UGGT2: variants seen among roughly 807,000 people sequenced by gnomAD.
The protein encoded by UGGT2 is UDP-glucose glycoprotein glucosyltransferase 2, also known as UDP-glucose:glycoprotein glucosyltransferase 2.
UGGT2 carries 180 observed loss-of-function variants against 192.1 expected under a neutral mutation model. The ratio of observed to expected loss-of-function variants is 0.94; its 90% CI spans 0.83 to 1.06. The LOEUF is 1.06. Among genes scored for constraint, UGGT2 ranks in the 50% least tolerant of loss-of-function variants. UGGT2 has a pLI of 0.00. For missense variants in UGGT2, 1,849 were observed against 1,795.7 expected (o/e 1.03, Z -0.54); for synonymous variants, 580 against 591.0 (o/e 0.98, Z 0.27).
chr13:95,827,973 T>A (rs1390510606), intron 38 of UGGT2, among the ~76,000 whole-genome samples: 1 of 152,106 alleles, frequency 6.6e-6, no homozygotes, highest in Non-Finnish European at 1.5e-5. Context: ...TACCACGACT[T>A]CACCTTGCAC....
intron 20 of UGGT2, among the ~76,000 whole-genome samples, chr13:95,909,371 G>C (rs927721214): frequency 3.3e-5 from 5 of 151,770 alleles, no homozygotes; most frequent in African/African-American, 1.2e-4. Flanking sequence ...AACAATGATA[G>C]ACTGGATTAA....
intron 1 of UGGT2, among the ~76,000 whole-genome samples, chr13:96,043,930 T>G (rs1255548964): frequency 6.6e-6 from 1 of 152,166 alleles, no homozygotes; most frequent in African/African-American, 2.4e-5. Context: ...ACTTCAATAC[T>G]GCACTGATAG....
chr13:95,991,326 T>C (rs545866184), intron 7 of UGGT2: 17 of 329,966 alleles, frequency 5.2e-5, no homozygotes, highest in Non-Finnish European at 1.0e-4. Context: ...GTTGAACTCA[T>C]CTACACACAC....
chr13:95,911,680 C>T (rs560332403), intron 20 of UGGT2, among the ~76,000 whole-genome samples: 13 of 151,836 alleles, frequency 8.6e-5, no homozygotes, highest in East Asian at 1.9e-4. Context: ...GTACCATTCC[C>T]TCTGAAACTA....
At chr13:95,947,483 G>A (rs1244527553) in intron 14 of UGGT2, among the ~76,000 whole-genome samples, 4 of 145,020 alleles carry the variant, frequency 2.8e-5, no homozygotes, top group African/African-American at 1.0e-4. Flanking sequence ...CAAGAGTCTC[G>A]CTCTGTCACC....
chr13:95,918,176 G>GT (rs2048737044), intron 20 of UGGT2, among the ~76,000 whole-genome samples: 2 of 151,890 alleles, frequency 1.3e-5, no homozygotes, highest in African/African-American at 2.4e-5. Context: ...AAGTGAAATC[G>GT]TAACAGTCTT....
chr13:95,886,162 C>A (rs2047641687), intron 26 of UGGT2, among the ~76,000 whole-genome samples: 1 of 152,118 alleles, frequency 6.6e-6, no homozygotes, highest in Non-Finnish European at 1.5e-5. Context: ...CTCATTCCTT[C>A]CCTACAATAC....
intron 21 of UGGT2, 148 bp from the exon 22 acceptor site, chr13:95,901,086 TA>T (rs1295446960): frequency 4.9e-6 from 3 of 607,308 alleles, no homozygotes; most frequent in African/African-American, 1.9e-5. Flanking sequence ...AGAACATTTT[TA>T]AAAAAAGAAT....
chr13:95,848,578 AGATTGGGTGACTATATTTATG>A (rs1383068983), intron 36 of UGGT2, among the ~76,000 whole-genome samples: 3 of 152,152 alleles, frequency 2.0e-5, no homozygotes, highest in Non-Finnish European at 2.9e-5. Context: ...CCTCTGTCAA[AGATTGGGTGACTATATTTATG>A]TGGATTTATT....
intron 15 of UGGT2, among the ~76,000 whole-genome samples, chr13:95,945,807 T>C (rs1470501613): frequency 6.6e-6 from 1 of 152,158 alleles, no homozygotes; most frequent in Non-Finnish European, 1.5e-5. Flanking sequence ...TGGCACTATT[T>C]TATAGAGCAA....
intron 13 of UGGT2, 137 bp from the exon 14 acceptor site, chr13:95,948,218 TACACACACACACACACACAC>T: frequency 3.2e-6 from 1 of 315,972 alleles, no homozygotes; most frequent in East Asian, 6.8e-5. Flanking sequence ...TTCTAAGGAA[TACACACACACACACACACAC>T]ACACACACAC....
chr13:95,979,544 T>C (rs1160511780), intron 10 of UGGT2, among the ~76,000 whole-genome samples: 1 of 7,050 alleles, frequency 1.4e-4, no homozygotes, highest in East Asian at 0.011. Flanking sequence ...CCTGGTCTCT[T>C]ACGCAAAAAA....
At chr13:95,895,085 C>G in intron 23 of UGGT2, 95 bp downstream of exon 23, 1 of 1,265,372 alleles carries the variant, frequency 7.9e-7, no homozygotes, top group Non-Finnish European at 1.1e-6. Context: ...TATACCTTTA[C>G]TTGTCTATAT....
chr13:96,031,752 T>C, intron 2 of UGGT2, 137 bp downstream of exon 2: 1 of 597,872 alleles, frequency 1.7e-6, no homozygotes, highest in Non-Finnish European at 2.7e-6. Flanking sequence ...TATTAAAACA[T>C]ATTTTCAAAT....
chr13:95,874,996 G>C (rs532535464), intron 29 of UGGT2, among the ~76,000 whole-genome samples: 3 of 152,066 alleles, frequency 2.0e-5, no homozygotes, highest in Non-Finnish European at 4.4e-5. Flanking sequence ...TAGCCTAAGT[G>C]TAAATTTAAC....
chr13:95,942,223 T>C (rs9561993), intron 15 of UGGT2, among the ~76,000 whole-genome samples: 1 of 15,196 alleles, frequency 6.6e-5, no homozygotes, highest in African/African-American at 2.4e-4. Flanking sequence ...AGGGTGAGGG[T>C]GTGTGTGTGT....
At chr13:95,941,849 A>G (rs2049691545) in intron 15 of UGGT2, among the ~76,000 whole-genome samples, 1 of 152,224 alleles carries the variant, frequency 6.6e-6, no homozygotes, top group Non-Finnish European at 1.5e-5. Context: ...CATGAAGTAC[A>G]ACTTCTCTCC....
At chr13:95,988,868 C>T (rs942403032) in intron 8 of UGGT2, among the ~76,000 whole-genome samples, 1 of 152,108 alleles carries the variant, frequency 6.6e-6, no homozygotes, top group South Asian at 2.1e-4. Flanking sequence ...TGTGTGGTAA[C>T]TGGCACTTAA....
At chr13:95,916,101 A>C (rs2048674336) in intron 20 of UGGT2, among the ~76,000 whole-genome samples, 1 of 152,164 alleles carries the variant, frequency 6.6e-6, no homozygotes, top group South Asian at 2.1e-4. Flanking sequence ...TCCTATCTGC[A>C]TAAGATCTCA....
Sources: allele counts gnomAD v4.1 joint callset (sites outside exome capture counted in the v4.1 genomes callset), GRCh38; gene constraint gnomAD v4.1.1; transcripts MANE v1.5; gene names NCBI Gene and HGNC (gene_info 2026-07-23, HGNC 2026-07-21).